The following LRP1B variants were observed in gnomAD, a reference collection of about 807,000 sequenced individuals.
The protein encoded by LRP1B is LDL receptor related protein 1B, also known as low-density lipoprotein receptor-related protein 1B.
A neutral mutation model predicts 556.6 loss-of-function variants in LRP1B; 217 were observed. The observed-to-expected ratio is 0.39, with a 90% CI of 0.35 to 0.44. The LOEUF is 0.44. Ranked by LOEUF, LRP1B falls within the 20% of genes least tolerant of loss-of-function variation. The pLI, the probability that LRP1B is intolerant of heterozygous loss-of-function variation, is 1.00. For synonymous variants in LRP1B, 2,047 were observed against 1,865.8 expected, an observed-to-expected ratio of 1.10 and a Z score of -2.50; for missense variants, 5,053 against 5,620.8, an observed-to-expected ratio of 0.90 and a Z score of 3.23.
chr2:140,778,488 T>C (rs1338039378), intron 32 of LRP1B, among the ~76,000 whole-genome samples: 1 of 152,072 alleles, frequency 6.6e-6, no homozygotes, highest in Non-Finnish European at 1.5e-5. Context: ...TATTCATGAA[T>C]GCATTTTTTT....
chr2:141,511,112 C>T (rs1346280979), intron 2 of LRP1B, among the ~76,000 whole-genome samples: 4 of 152,094 alleles, frequency 2.6e-5, no homozygotes, highest in Non-Finnish European at 4.4e-5. Flanking sequence ...TACTACACAG[C>T]ATAGAGCTGT....
intron 1 of LRP1B, among the ~76,000 whole-genome samples, chr2:142,119,757 ACTCT>A (rs1019660581): frequency 3.3e-5 from 5 of 150,896 alleles, no homozygotes; most frequent in African/African-American, 9.8e-5. Context: ...TTTGCCTCTC[ACTCT>A]CTCTTTCCTT....
intron 6 of LRP1B, among the ~76,000 whole-genome samples, chr2:141,216,724 A>T (rs1039797740): frequency 2.6e-5 from 4 of 152,278 alleles, no homozygotes; most frequent in Non-Finnish European, 5.9e-5. Flanking sequence ...TCAAAAAAAG[A>T]TTATTTTAGA....
At chr2:141,304,626 T>C (rs887438588) in intron 3 of LRP1B, among the ~76,000 whole-genome samples, 3 of 151,452 alleles carry the variant, frequency 2.0e-5, no homozygotes, top group Non-Finnish European at 4.4e-5. Context: ...ATTACAGGCA[T>C]GCACCACCAC....
intron 1 of LRP1B, among the ~76,000 whole-genome samples, chr2:142,078,257 C>A (rs1006531049): frequency 2.0e-5 from 3 of 152,118 alleles, no homozygotes; most frequent in African/African-American, 7.2e-5. Flanking sequence ...AAGTCTTATC[C>A]ATCATTTCAT....
intron 1 of LRP1B, among the ~76,000 whole-genome samples, chr2:141,951,172 C>T (rs979639023): frequency 7.2e-5 from 11 of 151,764 alleles, no homozygotes; most frequent in Admixed American, 2.0e-4. Context: ...TATGATCATT[C>T]CTTTATATTT....
intron 1 of LRP1B, among the ~76,000 whole-genome samples, chr2:141,844,133 T>C (rs1351419133): frequency 2.6e-5 from 4 of 152,072 alleles, no homozygotes; most frequent in Non-Finnish European, 5.9e-5. Context: ...ATACATCAGT[T>C]AGGGGTATGG....
intron 16 of LRP1B, among the ~76,000 whole-genome samples, chr2:140,992,163 A>T (rs373223733): frequency 6.0e-5 from 9 of 150,878 alleles, no homozygotes; most frequent in African/African-American, 1.9e-4. Context: ...TAAAAAATTA[A>T]TTATTTAGGA....
At chr2:141,029,071 G>A (rs912200459) in intron 11 of LRP1B, among the ~76,000 whole-genome samples, 6 of 152,088 alleles carry the variant, frequency 3.9e-5, no homozygotes, top group Non-Finnish European at 7.4e-5. Flanking sequence ...GGCATCTGAT[G>A]GAAGAACGTT....
rs201264067 is a variant in LRP1B, at chr2:141,392,926, T to C, written c.343+87470A>G. ...GAGCATCAGTCAAACAATTTCTCAG[T>C]TTCACAAGAAGCACTGTAGTCCCGC... On this transcript the variant is annotated intron_variant, in intron 3 of 90. Transcript: ENST00000389484. 1.2e-4 allele frequency among the ~76,000 whole-genome samples: 19 copies of C among 152,298 alleles called. No individual in the cohort carries two copies. In the East Asian group the frequency reaches 3.5e-3, roughly 28 times the overall value.
chr2:140,324,347 A>C lies in LRP1B; in HGVS notation c.12341-281T>G, dbSNP rs917906184. Among the ~76,000 whole-genome samples the C allele has an allele frequency of 1.2e-4, 19 of 152,016 alleles. 1 individual carries two copies. Among genetic ancestry groups the C allele is most frequent in the Admixed American group, 1.1e-3 (16 of 15,228 alleles). On this transcript the variant is annotated intron_variant, in intron 80 of 90. Transcript: ENST00000389484. ...GCATTTTCTGGGGGTTATTATTTGC[A>C]GACTAATCCTCTCTGCTATGCAGTT...
intron 2 of LRP1B, among the ~76,000 whole-genome samples, chr2:141,565,569 T>C (rs1686303048): frequency 6.6e-6 from 1 of 152,230 alleles, no homozygotes; most frequent in South Asian, 2.1e-4. Context: ...GAACATCCTA[T>C]CTTACTCATA....
At chr2:140,567,458 C>T (rs1413869509) in intron 43 of LRP1B, among the ~76,000 whole-genome samples, 1 of 152,150 alleles carries the variant, frequency 6.6e-6, no homozygotes, top group East Asian at 1.9e-4. Flanking sequence ...CTTTCTTCCT[C>T]AGAGTTTGGC....
At chr2:141,166,965 T>C (rs16845544) in intron 7 of LRP1B, among the ~76,000 whole-genome samples, 9,138 of 152,052 alleles carry the variant, frequency 0.06, 361 homozygotes, top group African/African-American at 0.11. Context: ...TCATAGAACA[T>C]GGAACCTCTA....
At chr2:142,039,494 A>G (rs933754708) in intron 1 of LRP1B, among the ~76,000 whole-genome samples, 8 of 151,428 alleles carry the variant, frequency 5.3e-5, no homozygotes, top group African/African-American at 1.2e-4. Flanking sequence ...AACAGAATAG[A>G]TCCTAAGAAA....
At position 141,229,502 on chromosome 2, in the gene LRP1B, G is replaced by T. The variant is rs932751993; in HGVS notation, c.593-62C>A. On this transcript the variant is annotated intron_variant, in intron 5 of 90. Coordinates refer to ENST00000389484, the MANE Select transcript of LRP1B (RefSeq NM_018557.3). Reference sequence around the variant, plus strand: ...AGAGTCAAGATTATTTTACAGTTTTGCCCTAGTTATTGAAAGCTATTTTCT... The same window carrying T: ...AGAGTCAAGATTATTTTACAGTTTTTCCCTAGTTATTGAAAGCTATTTTCT... The T allele has an allele frequency of 4.8e-6, 6 of 1,249,058 alleles. No individual in the cohort carries two copies. The African/African-American group carries it at 7.6e-5, about 16-fold the overall frequency. 77.4% of individuals were successfully genotyped at this position (1,249,058 alleles called of 1,614,324 possible). A position where few individuals can be genotyped will look rare whatever the true frequency, so the allele number is the denominator to read the frequency against.
chr2:141,709,305 C>T (rs954062018), intron 2 of LRP1B, among the ~76,000 whole-genome samples: 3 of 151,644 alleles, frequency 2.0e-5, no homozygotes, highest in East Asian at 1.9e-4. Context: ...GCCAAGACTG[C>T]ACCATTGCAC....
At chr2:140,329,470 T>G (rs1680678054) in intron 79 of LRP1B, among the ~76,000 whole-genome samples, 2 of 152,056 alleles carry the variant, frequency 1.3e-5, no homozygotes. Context: ...TGTTTGCAGA[T>G]GACGTGTTCC....
In LRP1B at chr2:141,523,422, A is replaced by C. The variant is rs77224396; in HGVS notation, c.206-42889T>G. ...CAAACCCCAGTTTCTTTGTCTACAAAATCCTAATAATGAAAGTAATTGCCA... is the reference window on the plus strand; with the variant it reads ...CAAACCCCAGTTTCTTTGTCTACAACATCCTAATAATGAAAGTAATTGCCA... On this transcript the variant is annotated intron_variant, in intron 2 of 90. Transcript: ENST00000389484. Among the ~76,000 whole-genome samples, 1,202 of 152,232 alleles carry C rather than the reference A, an allele frequency of 7.9e-3. 19 individuals carry two copies. The highest frequency in any genetic ancestry group is 0.027 in the African/African-American group (1,136 of 41,556).
Sources: allele counts gnomAD v4.1 joint callset (sites outside exome capture counted in the v4.1 genomes callset), GRCh38; gene constraint gnomAD v4.1.1; transcripts MANE v1.5; gene names NCBI Gene and HGNC (gene_info 2026-07-23, HGNC 2026-07-21).